Variants in GRIK1 observed in about 807,000 individuals in gnomAD.
The protein encoded by GRIK1 is glutamate ionotropic receptor kainate type subunit 1, also known as glutamate receptor ionotropic, kainate 1.
GRIK1 carries 69 observed loss-of-function variants against 105.7 expected under a neutral mutation model. That is an observed-to-expected ratio of 0.65 (90% CI 0.54 to 0.80). The LOEUF (loss-of-function observed/expected upper bound fraction) is 0.80. GRIK1 is among the 30% of genes least tolerant of loss of function. GRIK1 has a pLI of 0.00. For missense variants in GRIK1, 1,109 were observed against 1,167.3 expected (o/e 0.95, Z 0.73); for synonymous variants, 438 against 431.3 (o/e 1.02, Z -0.19).
intron 1 of GRIK1, among the ~76,000 whole-genome samples, chr21:29,860,187 C>G: frequency 6.6e-6 from 1 of 152,148 alleles, no homozygotes; most frequent in East Asian, 1.9e-4. Context: ...CTAACTGATC[C>G]TCTTGGGGAC....
intron 1 of GRIK1, among the ~76,000 whole-genome samples, chr21:29,730,792 C>T (rs2064600629): frequency 6.6e-6 from 1 of 152,074 alleles, no homozygotes; most frequent in African/African-American, 2.4e-5. Flanking sequence ...GCCACGGTAT[C>T]TTTAGCCTAC....
At chr21:29,638,373 C>T (rs9984794) in intron 7 of GRIK1, among the ~76,000 whole-genome samples, 32,681 of 151,924 alleles carry the variant, frequency 0.22, 3,784 homozygotes, top group Non-Finnish European at 0.26. Flanking sequence ...ATGGGGGAAA[C>T]GCCCCCATGA....
At chr21:29,906,531 T>G (rs1326840007) in intron 1 of GRIK1, among the ~76,000 whole-genome samples, 1 of 152,228 alleles carries the variant, frequency 6.6e-6, no homozygotes, top group African/African-American at 2.4e-5. Flanking sequence ...CTGAGTTATA[T>G]TCAATGCCTT....
chr21:29,739,463 A>AT (rs1283907886), intron 1 of GRIK1, among the ~76,000 whole-genome samples: 1 of 152,160 alleles, frequency 6.6e-6, no homozygotes, highest in Non-Finnish European at 1.5e-5. Flanking sequence ...AAGAGTTTAG[A>AT]TTTTTCCTAA....
chr21:29,690,055 A>G, intron 2 of GRIK1, 70 bp from the exon 3 acceptor site: 2 of 1,250,712 alleles, frequency 1.6e-6, no homozygotes, highest in Non-Finnish European at 2.3e-6. Context: ...AGAGAGTTCT[A>G]TGAATTTAAT....
At chr21:29,666,945 C>T (rs2063070536) in intron 4 of GRIK1, among the ~76,000 whole-genome samples, 2 of 152,158 alleles carry the variant, frequency 1.3e-5, no homozygotes, top group Non-Finnish European at 2.9e-5. Context: ...GGGCAAGTTA[C>T]AAAATCTCTC....
chr21:29,783,261 G>A (rs1197364869), intron 1 of GRIK1, among the ~76,000 whole-genome samples: 3 of 151,340 alleles, frequency 2.0e-5, no homozygotes, highest in African/African-American at 7.3e-5. Context: ...ATTGTTATTT[G>A]TAAGACCTCC....
chr21:29,850,351 A>C (rs1203087352), intron 1 of GRIK1, among the ~76,000 whole-genome samples: 1 of 152,142 alleles, frequency 6.6e-6, no homozygotes, highest in Non-Finnish European at 1.5e-5. Flanking sequence ...AGGGTATTTA[A>C]AAAATCTCTA....
chr21:29,828,786 A>C (rs935337632), intron 1 of GRIK1, among the ~76,000 whole-genome samples: 2 of 152,200 alleles, frequency 1.3e-5, no homozygotes, highest in Non-Finnish European at 2.9e-5. Flanking sequence ...GGAATGAGGC[A>C]TCACATCCAG....
intron 1 of GRIK1, among the ~76,000 whole-genome samples, chr21:29,936,364 C>T (rs537517941): frequency 5.3e-5 from 8 of 152,054 alleles, no homozygotes; most frequent in African/African-American, 1.7e-4. Flanking sequence ...TGGTGGGCCA[C>T]GTCTACTAAG....
chr21:29,755,742 A>C (rs549750887), intron 1 of GRIK1, among the ~76,000 whole-genome samples: 1 of 152,348 alleles, frequency 6.6e-6, no homozygotes, highest in African/African-American at 2.4e-5. Context: ...GCTTAGGGCA[A>C]GGAATCTGAA....
chr21:29,537,923 TACA>T, intron 16 of GRIK1, 39 bp from the exon 17 acceptor site: 2 of 952,334 alleles, frequency 2.1e-6, no homozygotes, highest in Non-Finnish European at 3.3e-6. Context: ...TTTTAAATTG[TACA>T]TTTTCTCCAA....
At chr21:29,741,891 A>G (rs989150070) in intron 1 of GRIK1, among the ~76,000 whole-genome samples, 1 of 152,226 alleles carries the variant, frequency 6.6e-6, no homozygotes, top group Non-Finnish European at 1.5e-5. Context: ...ACTCATCACT[A>G]GGAAATGGAC....
At chr21:29,931,364 T>A (rs910861430) in intron 1 of GRIK1, among the ~76,000 whole-genome samples, 3 of 152,146 alleles carry the variant, frequency 2.0e-5, no homozygotes, top group African/African-American at 7.2e-5. Context: ...TGCTACTCTG[T>A]TGGAATTTGT....
chr21:29,785,077 G>C (rs577378086), intron 1 of GRIK1, among the ~76,000 whole-genome samples: 1 of 152,084 alleles, frequency 6.6e-6, no homozygotes, highest in Non-Finnish European at 1.5e-5. Flanking sequence ...ATTCAGAAAT[G>C]GTTCCCTCCA....
At position 29,783,918 on chromosome 21, in the gene GRIK1, C is replaced by T. The variant is rs142929621; in HGVS notation, c.119-89855G>A. ...TCAGCCCTATGAACAAACTGAGCCC[C>T]GACTGTTGTTTTTTTGCTCTTTGTT... On this transcript the variant is annotated intron_variant, in intron 1 of 17. Coordinates refer to ENST00000327783, the MANE Select transcript of GRIK1 (RefSeq NM_001330994.2). Among the ~76,000 whole-genome samples, 952 of 152,222 alleles carry T rather than the reference C, an allele frequency of 6.3e-3. 8 individuals are homozygous for T. The highest frequency in any genetic ancestry group is 0.022 in the African/African-American group (917 of 41,556).
At chr21:29,587,234 C>T (rs139715391) in intron 12 of GRIK1, 132 bp downstream of exon 12, 98 of 516,110 alleles carry the variant, frequency 1.9e-4, no homozygotes, top group Non-Finnish European at 3.1e-4. Context: ...TATATGGAAA[C>T]CTTCCAAGAA....
chr21:29,559,124 A>C (rs1205009096), intron 15 of GRIK1, among the ~76,000 whole-genome samples: 1 of 152,154 alleles, frequency 6.6e-6, no homozygotes, highest in Non-Finnish European at 1.5e-5. Flanking sequence ...TTTAGTCTAG[A>C]GATGGTTCTA....
chr21:29,629,128 A>G lies in GRIK1; in HGVS notation c.1098+13698T>C, dbSNP rs188315444. On this transcript the variant is annotated intron_variant, in intron 7 of 17. Coordinates refer to ENST00000327783, the MANE Select transcript of GRIK1 (RefSeq NM_001330994.2). ...AGACACATAGAAATGTATTTATAGTACAATGATAAAAATGCAATGGTGAAG... is the reference window on the plus strand; with the variant it reads ...AGACACATAGAAATGTATTTATAGTGCAATGATAAAAATGCAATGGTGAAG... Among the ~76,000 whole-genome samples the G allele has an allele frequency of 1.1e-3, 175 of 152,270 alleles. 3 individuals carry two copies. Among genetic ancestry groups the G allele is most frequent in the African/African-American group, 4.0e-3 (167 of 41,538 alleles).
Sources: allele counts gnomAD v4.1 joint callset (sites outside exome capture counted in the v4.1 genomes callset), GRCh38; gene constraint gnomAD v4.1.1; transcripts MANE v1.5; gene names NCBI Gene and HGNC (gene_info 2026-07-23, HGNC 2026-07-21).